GRAMD1B: variants seen among roughly 807,000 people sequenced by gnomAD.
GRAMD1B encodes GRAM domain containing 1B.
In GRAMD1B, 37 loss-of-function variants were observed where a neutral mutation model predicts 99.7. The ratio of observed to expected loss-of-function variants is 0.37; its 90% confidence interval spans 0.29 to 0.49. The LOEUF is 0.49. GRAMD1B is among the 20% of genes least tolerant of loss of function. The pLI, the probability that GRAMD1B is intolerant of heterozygous loss-of-function variation, is 0.98. For missense variants in GRAMD1B, 888 were observed against 1,009.2 expected (o/e 0.88, Z 1.63); for synonymous variants, 427 against 387.6 (o/e 1.10, Z -1.19).
chr11:123,428,208 TCC>T (rs1366233977), upstream of GRAMD1B, among the ~76,000 whole-genome samples: 1 of 152,148 alleles, frequency 6.6e-6, no homozygotes, highest in Admixed American at 6.5e-5. Context: ...AGTTATCAGA[TCC>T]CTTGCAAAAC....
At chr11:123,608,218 C>T (rs1362280097) in intron 11 of GRAMD1B, 3 of 422,920 alleles carry the variant, frequency 7.1e-6, no homozygotes, top group South Asian at 6.1e-5. Flanking sequence ...GATTAGTCTA[C>T]GTTCCCTCGA....
intron 2 of GRAMD1B, among the ~76,000 whole-genome samples, chr11:123,503,328 A>G (rs1260747549): frequency 6.6e-6 from 1 of 152,148 alleles, no homozygotes; most frequent in Non-Finnish European, 1.5e-5. Flanking sequence ...GTGCCTGGAG[A>G]TGGTAGGTAA....
rs188409910 is a variant in GRAMD1B at position 123,382,120 on chromosome 11, G to A, written c.-176+23321G>A. ...AGTAGAAAAGCTAGGGGATTTTTCT[G>A]GGGATTGGGGGGAAGGGAGTTCAAG... is the stretch of plus-strand genomic sequence containing the variant. On this transcript the variant is annotated intron_variant, in intron 1 of 20. Transcript: ENST00000638157. 7.6e-4 allele frequency among the ~76,000 whole-genome samples: 116 copies of A among 152,318 alleles called. 1 individual carries two copies. The highest frequency in any genetic ancestry group is 7.2e-3 in the Admixed American group (110 of 15,304).
chr11:123,574,091 A>AG (rs1555080058), intron 2 of GRAMD1B, among the ~76,000 whole-genome samples: 167 of 151,768 alleles, frequency 1.1e-3, no homozygotes, highest in African/African-American at 3.7e-3. Context: ...AAAAAAAAAA[A>AG]AAGAAGAAAG....
chr11:123,553,443 T>C (rs1162245449), intron 2 of GRAMD1B, among the ~76,000 whole-genome samples: 1 of 152,218 alleles, frequency 6.6e-6, no homozygotes. Context: ...CATGTGTACA[T>C]GATAAAATTT....
chr11:123,529,851 G>A (rs1943172055), intron 2 of GRAMD1B, among the ~76,000 whole-genome samples: 2 of 152,134 alleles, frequency 1.3e-5, no homozygotes, highest in Admixed American at 6.5e-5. Context: ...AGACTGTAGT[G>A]ACATCTGTCT....
intron 2 of GRAMD1B, among the ~76,000 whole-genome samples, chr11:123,501,121 A>T (rs1288622982): frequency 6.6e-6 from 1 of 152,152 alleles, no homozygotes; most frequent in African/African-American, 2.4e-5. Context: ...TTGGTAGCAT[A>T]GGTAGGATTT....
At chr11:123,359,882 C>G (rs555618465) in intron 1 of GRAMD1B, among the ~76,000 whole-genome samples, 1 of 152,294 alleles carries the variant, frequency 6.6e-6, no homozygotes, top group East Asian at 1.9e-4. Context: ...TCTGCCAACG[C>G]CTACATGGGT....
chr11:123,590,926 G>C, intron 4 of GRAMD1B, among the ~76,000 whole-genome samples: 1 of 152,132 alleles, frequency 6.6e-6, no homozygotes, highest in East Asian at 1.9e-4. Context: ...CCCTGGACCC[G>C]GCTGTGGATC....
chr11:123,599,807 C>G (rs1951731105), intron 7 of GRAMD1B, among the ~76,000 whole-genome samples: 1 of 152,180 alleles, frequency 6.6e-6, no homozygotes, highest in South Asian at 2.1e-4. Flanking sequence ...TAACCAGCTT[C>G]TTGATTATAC....
intron 2 of GRAMD1B, among the ~76,000 whole-genome samples, chr11:123,530,659 G>T (rs1943259147): frequency 6.6e-6 from 1 of 152,230 alleles, no homozygotes; most frequent in African/African-American, 2.4e-5. Flanking sequence ...GGGATTACAG[G>T]CATGAGCCAT....
intron 1 of GRAMD1B, among the ~76,000 whole-genome samples, chr11:123,420,977 C>T (rs1245145058): frequency 6.6e-6 from 1 of 152,204 alleles, no homozygotes; most frequent in Non-Finnish European, 1.5e-5. Context: ...CTATACCTGA[C>T]TGAAGCAGAT....
chr11:123,610,241 G>A lies in GRAMD1B; in HGVS notation c.1822G>A (p.Ala608Thr). The A allele has an allele frequency of 6.2e-7, 1 of 1,613,766 alleles. No individual in the cohort carries two copies. Among genetic ancestry groups the A allele is most frequent in the Non-Finnish European group, 8.5e-7 (1 of 1,179,710 alleles). Residue 608 changes from alanine (A) to threonine (T), a missense_variant, in exon 14 of 20, where the codon GCC becomes ACC. Ala to Thr is a moderately conservative substitution (Grantham distance 58, BLOSUM62 0). Transcript: ENST00000635736. This position sits in a 1 kb window ranked among gnomAD's most constrained non-coding sequence, Gnocchi z 4.1. ...GGAGAGTGAATGTTACGTGATAGAT[G>A]CCGAAGTCCTCACCCACGACGTGCC... Reference protein sequence around the residue: ...SQESECYVIDAEVLTHDVPYH... With the variant: ...SQESECYVIDTEVLTHDVPYH...
At chr11:123,402,017 C>A (rs1947680621) in intron 1 of GRAMD1B, among the ~76,000 whole-genome samples, 1 of 152,210 alleles carries the variant, frequency 6.6e-6, no homozygotes, top group African/African-American at 2.4e-5. Context: ...CGCTCTGCAT[C>A]CACCTTCATC....
chr11:123,435,983 C>T (rs1489249995), intron 1 of GRAMD1B, among the ~76,000 whole-genome samples: 1 of 139,442 alleles, frequency 7.2e-6, no homozygotes, highest in Non-Finnish European at 1.5e-5. Flanking sequence ...CCCTCTCTCA[C>T]CCAGGCTGGA....
At chr11:123,420,155 G>A (rs1948379609) in intron 1 of GRAMD1B, among the ~76,000 whole-genome samples, 1 of 152,170 alleles carries the variant, frequency 6.6e-6, no homozygotes, top group South Asian at 2.1e-4. Flanking sequence ...TATTGCAACA[G>A]AGGATGGCAA....
chr11:123,429,830 A>G (rs145638987), upstream of GRAMD1B, among the ~76,000 whole-genome samples: 3 of 152,168 alleles, frequency 2.0e-5, no homozygotes, highest in Non-Finnish European at 2.9e-5. This position sits in a 1 kb window ranked among gnomAD's most constrained non-coding sequence, Gnocchi z 4.0. Context: ...TCCTCTGACT[A>G]TACTCCGGCC....
intron 2 of GRAMD1B, chr11:123,526,121 C>T (rs560423892): frequency 4.3e-5 from 70 of 1,609,230 alleles, no homozygotes; most frequent in Middle Eastern, 1.6e-4. Flanking sequence ...GCTAAGGACA[C>T]GGTCAGTGGA....
At chr11:123,385,243 C>A (rs1191180872) in intron 1 of GRAMD1B, among the ~76,000 whole-genome samples, 1 of 152,100 alleles carries the variant, frequency 6.6e-6, no homozygotes, top group Non-Finnish European at 1.5e-5. Flanking sequence ...CCATTCTGAC[C>A]ATTTTGTCTC....
Sources: gnomAD v4.1 joint callset for allele counts (sites outside exome capture counted in the v4.1 genomes callset) on GRCh38, gnomAD v4.1.1 for gene constraint, Gnocchi (gnomAD v3.1) non-coding constraint, MANE v1.5 for transcripts, NCBI Gene and HGNC (gene_info 2026-07-23, HGNC 2026-07-21) for gene names.